RBM4: variants seen among roughly 807,000 people sequenced by gnomAD.
RBM4 encodes the protein RNA-binding protein 4.
A neutral mutation model predicts 29.5 loss-of-function variants in RBM4; 7 were observed. The ratio of observed to expected loss-of-function variants is 0.24; its 90% confidence interval spans 0.14 to 0.45. RBM4 has a LOEUF of 0.45. Ranked by LOEUF, RBM4 falls within the 20% of genes least tolerant of loss-of-function variation. RBM4 has a pLI of 1.00. For missense variants in RBM4, 387 were observed against 502.3 expected (o/e 0.77, Z 2.19); for synonymous variants, 220 against 205.4 (o/e 1.07, Z -0.61).
chr11:66,667,398 C>T (rs1410786657), exon 3 of RBM4: 7 of 152,294 alleles, frequency 4.6e-5, no homozygotes, highest in African/African-American at 1.7e-4. Context: ...GTTTATCTAA[C>T]TCCTTAAATG....
At chr11:66,644,310 T>TA in intron 3 of RBM4, 170 bp downstream of exon 3, 1 of 935,442 alleles carries the variant, frequency 1.1e-6, no homozygotes, top group Non-Finnish European at 1.5e-6. Flanking sequence ...TTAAAATACA[T>TA]AGAGTTCCTT....
At chr11:66,651,090 C>G (rs1938818819), downstream of RBM4, among the ~76,000 whole-genome samples, 1 of 151,886 alleles carries the variant, frequency 6.6e-6, no homozygotes. Context: ...GGCTCCTTAC[C>G]CTAGAGCTAC....
chr11:66,665,866 C>T (rs1056816308), exon 3 of RBM4: 1 of 1,532,678 alleles, frequency 6.5e-7, no homozygotes, highest in African/African-American at 1.4e-5. Context: ...GCAAGATAAC[C>T]CCTGTGACAG....
chr11:66,642,431 AC>A (rs1938508213), intron 2 of RBM4, among the ~76,000 whole-genome samples: 1 of 152,222 alleles, frequency 6.6e-6, no homozygotes, highest in South Asian at 2.1e-4. Flanking sequence ...GTAGAGACTT[AC>A]TAAAACTTAG....
downstream of RBM4, chr11:66,649,753 C>G: frequency 2.9e-6 from 2 of 701,542 alleles, no homozygotes; most frequent in Non-Finnish European, 5.2e-6. Context: ...GCTCTGTCAC[C>G]CAAGCTGCAG....
chr11:66,663,393 C>T (rs958339225), intron 2 of RBM4, among the ~76,000 whole-genome samples: 1 of 152,124 alleles, frequency 6.6e-6, no homozygotes, highest in African/African-American at 2.4e-5. Flanking sequence ...GAGATGGAGT[C>T]TCGCTCTGTC....
rs753465020 is a variant in RBM4, at chr11:66,640,235, TGAA to T, written c.412+116_412+118del. On this transcript the variant is annotated intron_variant, in intron 2 of 3. Coordinates refer to ENST00000310092, the MANE Select transcript of RBM4 (RefSeq NM_002896.4). Reference sequence around the variant, plus strand: ...ATAACAGCTGTTGGCTGGCTGGTGATGAAGAAATAAGTGTGGGTGATGGACTTC... The same window carrying T: ...ATAACAGCTGTTGGCTGGCTGGTGATGAAATAAGTGTGGGTGATGGACTTC... The T allele has an allele frequency of 3.9e-5, 55 of 1,426,312 alleles. No homozygotes were observed. In the African/African-American group the frequency reaches 7.3e-4, roughly 19 times the overall value. The allele number at this position is 1,426,312 out of a possible 1,614,324, so 88.4% of individuals were successfully genotyped here. A position where few individuals can be genotyped will look rare whatever the true frequency, so the allele number is the denominator to read the frequency against.
At chr11:66,648,019 A>G (rs991945708), downstream of RBM4, among the ~76,000 whole-genome samples, 19 of 152,116 alleles carry the variant, frequency 1.2e-4, no homozygotes, top group African/African-American at 3.9e-4. Flanking sequence ...CCTGACCAAC[A>G]TGGTGAAAAA....
At chr11:66,641,306 C>T (rs1338051196) in intron 2 of RBM4, 1 of 152,206 alleles carries the variant, frequency 6.6e-6, no homozygotes, top group East Asian at 1.9e-4. Flanking sequence ...CCTTTGGCGT[C>T]CATTTCCCTT....
downstream of RBM4, chr11:66,649,703 ATAAAG>A (rs1388324110): frequency 7.1e-6 from 5 of 700,592 alleles, no homozygotes; most frequent in Non-Finnish European, 1.0e-5. Context: ...CTTAGGAATA[ATAAAG>A]TACTTTTTCT....
intron 2 of RBM4, among the ~76,000 whole-genome samples, chr11:66,642,510 A>G (rs914904927): frequency 3.3e-5 from 5 of 152,188 alleles, no homozygotes; most frequent in African/African-American, 1.2e-4. Flanking sequence ...CATTTCCAGA[A>G]TGCAAATTTT....
intron 2 of RBM4, among the ~76,000 whole-genome samples, chr11:66,641,905 G>C (rs1423922165): frequency 6.6e-6 from 1 of 151,882 alleles, no homozygotes; most frequent in Non-Finnish European, 1.5e-5. Flanking sequence ...TTCTTTTTCT[G>C]GCGTTAGAAC....
downstream of RBM4, chr11:66,650,009 A>G (rs1489491569): frequency 2.0e-6 from 1 of 505,436 alleles, no homozygotes; most frequent in African/African-American, 2.0e-5. Flanking sequence ...ATTACCTGCA[A>G]TTAGGTTACC....
At chr11:66,651,232 CAT>C (rs1378226443), downstream of RBM4, among the ~76,000 whole-genome samples, 2 of 151,724 alleles carry the variant, frequency 1.3e-5, no homozygotes, top group Non-Finnish European at 3.0e-5. Context: ...TGTTCTTACA[CAT>C]GATCTCATTC....
At chr11:66,653,807 CTTTT>C (rs1302327004) in intron 2 of RBM4, among the ~76,000 whole-genome samples, 1 of 144,620 alleles carries the variant, frequency 6.9e-6, no homozygotes, top group Non-Finnish European at 1.5e-5. Context: ...TCTTTTTTCT[CTTTT>C]TTTTTTTCTT....
chr11:66,651,786 G>A (rs949977008), intron 2 of RBM4, among the ~76,000 whole-genome samples: 1 of 152,180 alleles, frequency 6.6e-6, no homozygotes. Context: ...CAGACGTGGT[G>A]TCTGGATTCT....
chr11:66,650,589 C>G (rs144477612), downstream of RBM4, among the ~76,000 whole-genome samples: 8 of 148,320 alleles, frequency 5.4e-5, no homozygotes, highest in African/African-American at 2.0e-4. Context: ...ATAGGCCAGG[C>G]GCGGTGGCCC....
intron 2 of RBM4, chr11:66,640,727 C>CG (rs1343569319): frequency 6.5e-6 from 1 of 153,124 alleles, no homozygotes; most frequent in African/African-American, 2.4e-5. Flanking sequence ...GTTTTAGGGG[C>CG]GGTAATGACT....
intron 2 of RBM4, among the ~76,000 whole-genome samples, chr11:66,662,695 C>T (rs566722135): frequency 2.0e-5 from 3 of 152,264 alleles, no homozygotes; most frequent in Admixed American, 2.0e-4. Flanking sequence ...GAGTCACGCA[C>T]CTGGTATATG....
Sources: gnomAD v4.1 joint callset for allele counts (sites outside exome capture counted in the v4.1 genomes callset) on GRCh38, gnomAD v4.1.1 for gene constraint, MANE v1.5 for transcripts, NCBI Gene and HGNC (gene_info 2026-07-23, HGNC 2026-07-21) for gene names.